AGBL4: variants seen among roughly 807,000 people sequenced by gnomAD.
The protein encoded by AGBL4 is AGBL carboxypeptidase 4.
In AGBL4, 58 loss-of-function variants were observed where a neutral mutation model predicts 66.4. The observed-to-expected ratio is 0.87, with a 90% CI of 0.71 to 1.09. AGBL4 has a LOEUF of 1.09. AGBL4 is among the 50% of genes least tolerant of loss of function. AGBL4 has a pLI of 0.00. For missense variants in AGBL4, 579 were observed against 631.0 expected (o/e 0.92, Z 0.88); for synonymous variants, 234 against 222.9 (o/e 1.05, Z -0.44).
At chr1:49,683,701 T>C (rs933498434) in intron 3 of AGBL4, among the ~76,000 whole-genome samples, 5 of 152,016 alleles carry the variant, frequency 3.3e-5, no homozygotes, top group African/African-American at 1.2e-4. Context: ...CTAGACAAAG[T>C]GAGAAATACA....
At chr1:49,471,159 C>T (rs1314397741) in intron 3 of AGBL4, among the ~76,000 whole-genome samples, 5 of 151,832 alleles carry the variant, frequency 3.3e-5, no homozygotes, top group Admixed American at 2.6e-4. Flanking sequence ...AATGTAGATC[C>T]AGGAAAAACT....
At chr1:49,428,033 C>A (rs1219370916) in intron 3 of AGBL4, among the ~76,000 whole-genome samples, 1 of 152,194 alleles carries the variant, frequency 6.6e-6, no homozygotes, top group Non-Finnish European at 1.5e-5. Context: ...CATTTACAAA[C>A]CTTTAGCTAG....
At chr1:49,708,188 C>A (rs1201702890) in intron 2 of AGBL4, among the ~76,000 whole-genome samples, 2 of 152,102 alleles carry the variant, frequency 1.3e-5, no homozygotes, top group Admixed American at 1.3e-4. Flanking sequence ...TTCAGGTACA[C>A]CAATCAAATG....
chr1:49,252,576 T>G lies in AGBL4; in HGVS notation c.283-6712A>C, dbSNP rs1052146836. On this transcript the variant is annotated intron_variant, in intron 3 of 13. Coordinates refer to ENST00000371839, the MANE Select transcript of AGBL4 (RefSeq NM_032785.4). ...ATGTAGAGAACTCCAGTAAGATACT[T>G]CACAAGAAGATCATCCCAAGACATG... Among the ~76,000 whole-genome samples, 6 of 152,046 alleles carry G rather than the reference T, an allele frequency of 3.9e-5. No individual in the cohort carries two copies. The East Asian group carries it at 9.6e-4, about 24-fold the overall frequency.
At chr1:49,353,331 C>T (rs1413752733) in intron 3 of AGBL4, among the ~76,000 whole-genome samples, 1 of 152,166 alleles carries the variant, frequency 6.6e-6, no homozygotes, top group Admixed American at 6.5e-5. Flanking sequence ...TTCCTCAATA[C>T]TATGTATAAC....
intron 6 of AGBL4, among the ~76,000 whole-genome samples, chr1:48,864,321 C>G (rs1647782548): frequency 6.6e-6 from 1 of 152,152 alleles, no homozygotes; most frequent in South Asian, 2.1e-4. Flanking sequence ...AATGAAAACT[C>G]TTACATTCTG....
At chr1:49,345,278 C>T (rs146610505) in intron 3 of AGBL4, among the ~76,000 whole-genome samples, 388 of 152,164 alleles carry the variant, frequency 2.5e-3, no homozygotes, top group African/African-American at 8.5e-3. Flanking sequence ...ATAATTGTTA[C>T]GTTAAATTAT....
intron 5 of AGBL4, among the ~76,000 whole-genome samples, chr1:48,930,733 T>C (rs1654969014): frequency 6.6e-6 from 1 of 152,214 alleles, no homozygotes; most frequent in Admixed American, 6.5e-5. Flanking sequence ...ATAAATATTT[T>C]GTCACTACCA....
intron 3 of AGBL4, among the ~76,000 whole-genome samples, chr1:49,287,793 G>C (rs1175426742): frequency 5.0e-5 from 7 of 139,486 alleles, no homozygotes; most frequent in East Asian, 4.4e-4. Context: ...AACCATTGTG[G>C]AAGTCAGTGT....
intron 3 of AGBL4, among the ~76,000 whole-genome samples, chr1:49,468,644 C>A (rs1476237536): frequency 6.6e-6 from 1 of 151,760 alleles, no homozygotes; most frequent in East Asian, 1.9e-4. Flanking sequence ...TCACTATTTT[C>A]AAATTTCAGC....
chr1:48,781,819 C>G (rs905296779), intron 6 of AGBL4, among the ~76,000 whole-genome samples: 1 of 152,198 alleles, frequency 6.6e-6, no homozygotes, highest in Non-Finnish European at 1.5e-5. Context: ...AATCCTGTCT[C>G]CCAGCTCTTT....
chr1:49,675,386 C>T (rs1291316628), intron 3 of AGBL4, among the ~76,000 whole-genome samples: 2 of 151,760 alleles, frequency 1.3e-5, no homozygotes, highest in Non-Finnish European at 2.9e-5. Context: ...CATGAACATA[C>T]AGAGGGAAAT....
chr1:48,522,890 C>T, the AGBL4 span, among the ~76,000 whole-genome samples: 28 of 149,672 alleles, frequency 1.9e-4, no homozygotes, highest in African/African-American at 5.9e-4. Context: ...CGTGCCACTG[C>T]GCTCCAGCCT....
intron 1 of AGBL4, among the ~76,000 whole-genome samples, chr1:49,986,164 C>T (rs1202118021): frequency 6.6e-6 from 1 of 151,906 alleles, no homozygotes; most frequent in Admixed American, 6.6e-5. Flanking sequence ...TAACAATCAC[C>T]CACATCAAGA....
intron 4 of AGBL4, among the ~76,000 whole-genome samples, chr1:49,224,620 A>T (rs957436662): frequency 7.1e-6 from 1 of 141,730 alleles, no homozygotes; most frequent in African/African-American, 2.5e-5. Flanking sequence ...CCCTCTCAAA[A>T]AAAAAAAAAA....
At chr1:48,557,739 A>G (rs1445593726) in intron 11 of AGBL4, among the ~76,000 whole-genome samples, 2 of 152,196 alleles carry the variant, frequency 1.3e-5, no homozygotes, top group African/African-American at 2.4e-5. Context: ...CAGAGACACA[A>G]GGTCTTCTTG....
chr1:49,551,766 G>A (rs1227244713), intron 3 of AGBL4, among the ~76,000 whole-genome samples: 1 of 152,216 alleles, frequency 6.6e-6, no homozygotes, highest in South Asian at 2.1e-4. Flanking sequence ...TTTTGTGCTG[G>A]TTGGCCTCCT....
At chr1:49,269,410 C>G (rs1031894948) in intron 3 of AGBL4, 1 of 152,072 alleles carries the variant, frequency 6.6e-6, no homozygotes, top group Admixed American at 6.6e-5. Context: ...ATAGAAATAA[C>G]CCTGTAAAGC....
intron 3 of AGBL4, among the ~76,000 whole-genome samples, chr1:49,360,165 C>T (rs1302631098): frequency 6.6e-6 from 1 of 152,106 alleles, no homozygotes; most frequent in Non-Finnish European, 1.5e-5. Flanking sequence ...TTAAATCATT[C>T]CATAAAGATC....
Sources: gnomAD v4.1 joint callset for allele counts (sites outside exome capture counted in the v4.1 genomes callset) on GRCh38, gnomAD v4.1.1 for gene constraint, MANE v1.5 for transcripts, NCBI Gene and HGNC (gene_info 2026-07-23, HGNC 2026-07-21) for gene names.